Variants in ULK4 observed in about 807,000 individuals in gnomAD.
ULK4 encodes the protein inactive serine/threonine-protein kinase ULK4.
A neutral mutation model predicts 160.6 loss-of-function variants in ULK4; 133 were observed. The observed-to-expected ratio is 0.83, with a 90% CI of 0.72 to 0.96. The LOEUF (loss-of-function observed/expected upper bound fraction) is 0.96. Among genes scored for constraint, ULK4 ranks in the 40% least tolerant of loss-of-function variants. The probability of loss-of-function intolerance (pLI) is 0.00; values close to 1 mark genes in which losing one functional copy is unlikely to be tolerated. For synonymous variants in ULK4, 534 were observed against 539.8 expected (o/e 0.99, Z 0.15); for missense variants, 1,580 against 1,499.5 (o/e 1.05, Z -0.89).
At chr3:41,584,827 C>T (rs1366482121) in intron 31 of ULK4, among the ~76,000 whole-genome samples, 1 of 152,102 alleles carries the variant, frequency 6.6e-6, no homozygotes, top group Non-Finnish European at 1.5e-5. Flanking sequence ...TCTTCAAGTA[C>T]ACACAGGGAA....
intron 22 of ULK4, among the ~76,000 whole-genome samples, chr3:41,749,739 G>A (rs912011905): frequency 1.3e-5 from 2 of 152,072 alleles, no homozygotes; most frequent in African/African-American, 2.4e-5. Flanking sequence ...TTAATCTTAA[G>A]ACACATAGAT....
At chr3:41,299,389 C>T (rs1225831768) in intron 35 of ULK4, among the ~76,000 whole-genome samples, 1 of 152,188 alleles carries the variant, frequency 6.6e-6, no homozygotes, top group Non-Finnish European at 1.5e-5. Context: ...GGATTGCCAA[C>T]TTTCCTTATA....
chr3:41,722,374 A>T (rs2037502120), intron 22 of ULK4, among the ~76,000 whole-genome samples: 1 of 152,156 alleles, frequency 6.6e-6, no homozygotes. Flanking sequence ...CACACCTGTA[A>T]TCCCAGCACT....
chr3:41,861,912 C>T (rs1015885717), intron 17 of ULK4, among the ~76,000 whole-genome samples: 4 of 152,082 alleles, frequency 2.6e-5, no homozygotes, highest in Admixed American at 6.6e-5. Flanking sequence ...ACCTCCACCT[C>T]CAGGACTCAA....
chr3:41,431,042 C>G (rs542586868), intron 34 of ULK4, among the ~76,000 whole-genome samples: 1 of 152,162 alleles, frequency 6.6e-6, no homozygotes, highest in African/African-American at 2.4e-5. Context: ...TACACGTTAT[C>G]GTACTACTGA....
intron 29 of ULK4, among the ~76,000 whole-genome samples, chr3:41,668,900 A>C (rs984860939): frequency 1.3e-5 from 2 of 152,216 alleles, no homozygotes; most frequent in African/African-American, 4.8e-5. Flanking sequence ...TTTTAAGTTA[A>C]ATATTTCTCA....
intron 17 of ULK4, among the ~76,000 whole-genome samples, chr3:41,866,668 GTA>G (rs1294813985): frequency 6.6e-6 from 1 of 152,126 alleles, no homozygotes; most frequent in Non-Finnish European, 1.5e-5. Flanking sequence ...GGGGACCCCT[GTA>G]TTAATGTATC....
intron 16 of ULK4, among the ~76,000 whole-genome samples, chr3:41,886,223 G>T (rs1297095643): frequency 6.6e-6 from 1 of 152,122 alleles, no homozygotes; most frequent in Admixed American, 6.6e-5. Context: ...CCCCCATGAA[G>T]TTAATGGCTA....
intron 30 of ULK4, among the ~76,000 whole-genome samples, chr3:41,652,909 T>A (rs1361432253): frequency 2.6e-5 from 4 of 152,212 alleles, no homozygotes; most frequent in Non-Finnish European, 5.9e-5. Flanking sequence ...TTGCTTCACA[T>A]TGATTGTGGG....
intron 29 of ULK4, 29 bp downstream of exon 29, chr3:41,681,479 C>T (rs2035919675): frequency 1.2e-6 from 2 of 1,612,780 alleles, no homozygotes; most frequent in Non-Finnish European, 1.7e-6. Flanking sequence ...CTACACTTCT[C>T]TGCATGAATA....
At chr3:41,942,742 G>A (rs1358906292) in intron 2 of ULK4, among the ~76,000 whole-genome samples, 5 of 152,138 alleles carry the variant, frequency 3.3e-5, no homozygotes, top group Non-Finnish European at 4.4e-5. Flanking sequence ...GCTTGAACCC[G>A]GGAGGTGAGG....
chr3:41,539,135 A>C (rs2086612882), intron 32 of ULK4, among the ~76,000 whole-genome samples: 1 of 151,914 alleles, frequency 6.6e-6, no homozygotes, highest in Non-Finnish European at 1.5e-5. Context: ...TATTTATAGA[A>C]ACAAATCCAC....
At chr3:41,292,455 G>A (rs555277783) in intron 35 of ULK4, among the ~76,000 whole-genome samples, 1 of 152,200 alleles carries the variant, frequency 6.6e-6, no homozygotes, top group South Asian at 2.1e-4. Flanking sequence ...GACCAACCAG[G>A]CCAACATGGC....
At chr3:41,843,130 C>A (rs750008105) in intron 17 of ULK4, among the ~76,000 whole-genome samples, 3 of 152,056 alleles carry the variant, frequency 2.0e-5, no homozygotes, top group Non-Finnish European at 4.4e-5. Flanking sequence ...TTAAAAAGTA[C>A]ACTTGACACC....
At chr3:41,604,237 G>C (rs115865171) in intron 31 of ULK4, among the ~76,000 whole-genome samples, 1,919 of 152,198 alleles carry the variant, frequency 0.013, 42 homozygotes, top group African/African-American at 0.044. Context: ...GGGAAAGAGA[G>C]AGATGACACG....
chr3:41,408,447 A>G (rs2082342551), intron 34 of ULK4, among the ~76,000 whole-genome samples: 1 of 150,968 alleles, frequency 6.6e-6, no homozygotes, highest in African/African-American at 2.4e-5. Context: ...AAAAAAAAAA[A>G]AAAAAATTAA....
At chr3:41,746,471 G>C (rs2038428359) in intron 22 of ULK4, among the ~76,000 whole-genome samples, 1 of 149,888 alleles carries the variant, frequency 6.7e-6, no homozygotes, top group Non-Finnish European at 1.5e-5. Flanking sequence ...TGAAATTATA[G>C]AATGCTAATG....
At chr3:41,854,943 T>C (rs943726124) in intron 17 of ULK4, 2 of 134,304 alleles carry the variant, frequency 1.5e-5, no homozygotes, top group East Asian at 2.1e-4. Flanking sequence ...ACACCCATCC[T>C]TGGCTTAAAA....
chr3:41,399,165 T>C (rs570073186), intron 34 of ULK4, among the ~76,000 whole-genome samples: 1 of 152,302 alleles, frequency 6.6e-6, no homozygotes, highest in East Asian at 1.9e-4. Flanking sequence ...CTAACACTTG[T>C]TATTATCTGT....
Sources: allele counts gnomAD v4.1 joint callset (sites outside exome capture counted in the v4.1 genomes callset), GRCh38; gene constraint gnomAD v4.1.1; transcripts MANE v1.5; gene names NCBI Gene and HGNC (gene_info 2026-07-23, HGNC 2026-07-21).